PPP2R2A: variants seen among roughly 807,000 people sequenced by gnomAD.
PPP2R2A encodes serine/threonine-protein phosphatase 2A 55 kDa regulatory subunit B alpha isoform.
A neutral mutation model predicts 53.2 loss-of-function variants in PPP2R2A; 9 were observed. That is an observed-to-expected ratio of 0.17 (90% CI 0.10 to 0.30). The LOEUF is 0.30. PPP2R2A is among the 10% of genes least tolerant of loss of function. PPP2R2A has a pLI of 1.00. For synonymous variants in PPP2R2A, 169 were observed against 174.2 expected (o/e 0.97, Z 0.23); for missense variants, 235 against 534.6 (o/e 0.44, Z 5.53).
At chr8:26,324,724 A>T (rs1241498475) in intron 2 of PPP2R2A, among the ~76,000 whole-genome samples, 1 of 152,100 alleles carries the variant, frequency 6.6e-6, no homozygotes, top group African/African-American at 2.4e-5. Context: ...GCCCCGGGAA[A>T]AGCTGCAGAC....
At chr8:26,323,223 T>A (rs1382575112) in intron 2 of PPP2R2A, among the ~76,000 whole-genome samples, 1 of 152,244 alleles carries the variant, frequency 6.6e-6, no homozygotes, top group Non-Finnish European at 1.5e-5. Flanking sequence ...TCCTTTTCCC[T>A]AATCTGCTGT....
intron 2 of PPP2R2A, among the ~76,000 whole-genome samples, chr8:26,317,437 T>G (rs1232108224): frequency 6.6e-6 from 1 of 152,252 alleles, no homozygotes; most frequent in Non-Finnish European, 1.5e-5. Context: ...TTTTTTGTTC[T>G]GTGATTTTCA....
rs143408125 is a variant in PPP2R2A at position 26,311,372 on chromosome 8, G to A, written c.82+17632G>A. On this transcript the variant is annotated intron_variant, in intron 2 of 9. Coordinates refer to ENST00000380737, the MANE Select transcript of PPP2R2A (RefSeq NM_002717.4). The stretch of plus-strand genomic sequence containing the variant: ...TTTTAGGCACTTCCAATAAATATAC[G>A]TTACATTAATGACTAACATTTCAGC... Among the ~76,000 whole-genome samples the A allele has an allele frequency of 5.2e-3, 794 of 152,256 alleles. 6 individuals are homozygous for A. Among genetic ancestry groups the A allele is most frequent in the African/African-American group, 0.018 (757 of 41,534 alleles).
intron 2 of PPP2R2A, among the ~76,000 whole-genome samples, chr8:26,316,506 T>C (rs1802564432): frequency 6.6e-6 from 1 of 152,162 alleles, no homozygotes. Context: ...TAAAAATCAG[T>C]TTATATTTTT....
chr8:26,295,846 C>A (rs1455818419), intron 2 of PPP2R2A, among the ~76,000 whole-genome samples: 37 of 152,108 alleles, frequency 2.4e-4, no homozygotes. Flanking sequence ...ATATTATAGT[C>A]TTGCTTATTT....
intron 3 of PPP2R2A, among the ~76,000 whole-genome samples, chr8:26,349,073 G>A (rs1234920085): frequency 6.6e-6 from 1 of 152,114 alleles, no homozygotes; most frequent in Non-Finnish European, 1.5e-5. Flanking sequence ...TATAACTTAG[G>A]TGACAAGGTT....
chr8:26,295,442 C>G (rs942008232), intron 2 of PPP2R2A, among the ~76,000 whole-genome samples: 12 of 152,104 alleles, frequency 7.9e-5, no homozygotes, highest in African/African-American at 2.4e-4. Flanking sequence ...TGACTTTAAG[C>G]AAAGAAAGCA....
intron 2 of PPP2R2A, among the ~76,000 whole-genome samples, chr8:26,332,363 CAAAAA>C (rs3070132): frequency 2.2e-5 from 2 of 90,996 alleles, no homozygotes; most frequent in Non-Finnish European, 2.4e-5. Flanking sequence ...TCTTTTGTCT[CAAAAA>C]AAAAAAAAAA....
intron 3 of PPP2R2A, among the ~76,000 whole-genome samples, chr8:26,347,936 T>C (rs1407728969): frequency 6.6e-6 from 1 of 152,342 alleles, no homozygotes; most frequent in Non-Finnish European, 1.5e-5. Context: ...TGTATTTTGC[T>C]TTATTCTAGA....
intron 3 of PPP2R2A, among the ~76,000 whole-genome samples, chr8:26,345,868 T>G (rs1348882382): frequency 6.6e-6 from 1 of 152,202 alleles, no homozygotes; most frequent in Non-Finnish European, 1.5e-5. Context: ...TTATTGAATT[T>G]GGATGGGCCA....
chr8:26,297,835 A>T (rs892305545), intron 2 of PPP2R2A, among the ~76,000 whole-genome samples: 2 of 152,354 alleles, frequency 1.3e-5, no homozygotes, highest in African/African-American at 4.8e-5. Flanking sequence ...GAGTATGAGT[A>T]TATTGAGGAT....
At chr8:26,314,272 T>C (rs1284165775) in intron 2 of PPP2R2A, among the ~76,000 whole-genome samples, 3 of 152,196 alleles carry the variant, frequency 2.0e-5, no homozygotes, top group East Asian at 3.9e-4. Flanking sequence ...ACATCAGATG[T>C]TGTATCAGTT....
chr8:26,362,639 T>G lies in PPP2R2A; in HGVS notation c.638-45T>G. 6.4e-7 allele frequency: 1 copy of G among 1,570,566 alleles called. No individual in the cohort carries two copies. On this transcript the variant is annotated intron_variant, in intron 6 of 9. Transcript: ENST00000380737. The surrounding 1 kb of genome is among the most constrained non-coding windows in gnomAD (Gnocchi z 4.4). ...GGTTTGAGAAATGTAGAATTATATT[T>G]GCCCTTTTTTCTAAGTGGAAATTCC...
chr8:26,293,177 T>G (rs1279529456), intron 1 of PPP2R2A: 34 of 1,457,046 alleles, frequency 2.3e-5, no homozygotes, highest in Non-Finnish European at 3.2e-5. Flanking sequence ...AAGAAATGGG[T>G]GTAGTGTTTG....
Position 26,360,555 on chromosome 8 carries a change from G to A in PPP2R2A, c.459+274G>A, listed in dbSNP as rs189526666. ...TGGTTTGTCATGTTAGCTATCACAAGGTCAAGTTTCAAGATAAATTTTCTT... is the reference window on the plus strand; with the variant it reads ...TGGTTTGTCATGTTAGCTATCACAAAGTCAAGTTTCAAGATAAATTTTCTT... On this transcript the variant is annotated intron_variant, in intron 5 of 9. Coordinates refer to ENST00000380737, the MANE Select transcript of PPP2R2A (RefSeq NM_002717.4). The surrounding 1 kb of genome is among the most constrained non-coding windows in gnomAD (Gnocchi z 4.5). 150 of 296,942 alleles carry A rather than the reference G, an allele frequency of 5.1e-4. No homozygotes were observed. Among genetic ancestry groups the A allele is most frequent in the African/African-American group, 3.1e-3 (142 of 45,972 alleles). 18.4% of individuals were successfully genotyped at this position (296,942 alleles called of 1,614,324 possible).
chr8:26,349,453 T>C (rs1440721345), intron 3 of PPP2R2A, among the ~76,000 whole-genome samples: 1 of 152,220 alleles, frequency 6.6e-6, no homozygotes, highest in African/African-American at 2.4e-5. Flanking sequence ...GGCATGGCTG[T>C]CCAAACACCT....
chr8:26,293,318 T>C, intron 1 of PPP2R2A: 1 of 1,488,938 alleles, frequency 6.7e-7, no homozygotes, highest in Non-Finnish European at 9.1e-7. Context: ...TGCAGGCTTT[T>C]TGTACACTTA....
intron 2 of PPP2R2A, among the ~76,000 whole-genome samples, chr8:26,333,219 G>A (rs1280313040): frequency 6.6e-6 from 1 of 152,200 alleles, no homozygotes; most frequent in East Asian, 1.9e-4. Context: ...TTTCCAGTCT[G>A]TGCCGTCTAT....
intron 2 of PPP2R2A, 52 bp downstream of exon 2, chr8:26,293,792 T>C: frequency 6.5e-7 from 1 of 1,527,666 alleles, no homozygotes; most frequent in Non-Finnish European, 9.1e-7. Flanking sequence ...GCAGAAATGT[T>C]TCCTACTGGA....
Sources: allele counts gnomAD v4.1 joint callset (sites outside exome capture counted in the v4.1 genomes callset), GRCh38; gene constraint gnomAD v4.1.1; non-coding constraint Gnocchi (gnomAD v3.1); transcripts MANE v1.5; gene names NCBI Gene and HGNC (gene_info 2026-07-23, HGNC 2026-07-21).